Variants in SKOR2 observed in about 807,000 individuals in gnomAD.
SKOR2 encodes the protein LBX1 corepressor 1-like protein.
SKOR2 carries 47 observed loss-of-function variants against 69.1 expected under a neutral mutation model. The observed-to-expected ratio is 0.68, with a 90% CI of 0.54 to 0.87. The LOEUF (loss-of-function observed/expected upper bound fraction) is 0.87. SKOR2 is among the 40% of genes least tolerant of loss of function. SKOR2 has a pLI of 0.00. For synonymous variants in SKOR2, 717 were observed against 672.6 expected (o/e 1.07, Z -1.02); for missense variants, 1,404 against 1,472.2 (o/e 0.95, Z 0.76).
chr18:47,242,999 G>A (rs1955857259), intron 4 of SKOR2, among the ~76,000 whole-genome samples: 2 of 152,030 alleles, frequency 1.3e-5, no homozygotes, highest in South Asian at 4.2e-4. Context: ...GGCTTTACGG[G>A]GGCTTGCTTT....
At position 47,245,016 on chromosome 18, in the gene SKOR2, G is replaced by C. The variant is rs1334403519; in HGVS notation, c.2678-34C>G. The stretch of plus-strand genomic sequence containing the variant: ...AAAACAAAACACAAAATCTGCAAGT[G>C]ATCCAACTGACAAGAGGCACACAAA... On this transcript the variant is annotated intron_variant, in intron 3 of 8. Coordinates refer to ENST00000425639, the MANE Select transcript of SKOR2 (RefSeq NM_001278063.4). The C allele has an allele frequency of 2.0e-6, 3 of 1,515,296 alleles. No individual in the cohort carries two copies. In the Admixed American group the frequency reaches 6.1e-5, roughly 31 times the overall value. The allele number at this position is 1,515,296 out of a possible 1,614,324, so 93.9% of individuals were successfully genotyped here. A position where few individuals can be genotyped will look rare whatever the true frequency, so the allele number is the denominator to read the frequency against.
intron 6 of SKOR2, among the ~76,000 whole-genome samples, chr18:47,225,543 TC>T (rs1311187836): frequency 6.6e-6 from 1 of 152,198 alleles, no homozygotes; most frequent in Non-Finnish European, 1.5e-5. Flanking sequence ...GGGTAGCTCT[TC>T]CCTGAATCTA....
chr18:47,219,798 C>G (rs1363042725), intron 7 of SKOR2, 145 bp downstream of exon 7: 1 of 651,920 alleles, frequency 1.5e-6, no homozygotes, highest in Non-Finnish European at 2.6e-6. Flanking sequence ...CTAAGTAAAT[C>G]TCTTGGTAAT....
In SKOR2 at chr18:47,246,583, G is replaced by T; in HGVS notation, c.2601C>A (p.Pro867=). 1 of 1,518,482 alleles carries T rather than the reference G, an allele frequency of 6.6e-7. No homozygotes were observed. The highest frequency in any genetic ancestry group is 8.8e-7 in the Non-Finnish European group (1 of 1,139,766). 94.1% of individuals were successfully genotyped at this position (1,518,482 alleles called of 1,614,324 possible). ...AGGGGATATTTACATCTTTGTAGGAGGGCTGCTCCTCCAGTGATGGATGGT... is the reference window on the plus strand; with the variant it reads ...AGGGGATATTTACATCTTTGTAGGATGGCTGCTCCTCCAGTGATGGATGGT... ...PVHHPSLEEQ[P]SYKDSQKTKE... Residue 867 remains proline, a synonymous_variant, in exon 2 of 9, where the codon CCC becomes CCA. Coordinates refer to ENST00000425639, the MANE Select transcript of SKOR2 (RefSeq NM_001278063.4).
intron 1 of SKOR2, among the ~76,000 whole-genome samples, chr18:47,251,071 A>G (rs1450568981): frequency 6.8e-6 from 1 of 147,958 alleles, no homozygotes; most frequent in East Asian, 2.1e-4. Context: ...AAGCCCTCCC[A>G]GAAACTGCCG....
At chr18:47,207,703 AG>A (rs778490919) in intron 8 of SKOR2, among the ~76,000 whole-genome samples, 1 of 152,236 alleles carries the variant, frequency 6.6e-6, no homozygotes, top group Non-Finnish European at 1.5e-5. Flanking sequence ...CTATACAAAA[AG>A]GAAGACACAG....
In SKOR2 at chr18:47,248,991, C is replaced by A. The variant is rs1187519002; in HGVS notation, c.193G>T (p.Ala65Ser). 8 of 1,562,026 alleles carry A rather than the reference C, an allele frequency of 5.1e-6. No individual in the cohort carries two copies. The highest frequency in any genetic ancestry group is 1.8e-5 in the Admixed American group (1 of 54,072). Residue 65 changes from alanine (A) to serine (S), a missense_variant, in exon 2 of 9, where the codon GCG becomes TCG. Around this residue, in one of 3 missense-constraint regions of SKOR2, gnomAD observed 104 missense variants for 95.7 expected, o/e 1.09. Coordinates refer to ENST00000425639, the MANE Select transcript of SKOR2 (RefSeq NM_001278063.4). This position sits in a 1 kb window ranked among gnomAD's most constrained non-coding sequence, Gnocchi z 6.4. ...TTGAGCAGAGTGTTGGAGATCTGCG[C>A]CAGGCACAGGCGCTCTTGCCCGTCG... Reference protein sequence around the residue: ...VIDGQERLCLAQISNTLLKNF... With the variant: ...VIDGQERLCLSQISNTLLKNF...
intron 6 of SKOR2, among the ~76,000 whole-genome samples, chr18:47,225,153 G>T (rs574455568): frequency 6.6e-6 from 1 of 152,280 alleles, no homozygotes; most frequent in South Asian, 2.1e-4. Flanking sequence ...GATGTAGTTT[G>T]TTTTTAATAA....
At chr18:47,230,610 A>G (rs1209573621) in intron 5 of SKOR2, 53 bp from the exon 6 acceptor site, 1 of 1,156,734 alleles carries the variant, frequency 8.6e-7, no homozygotes, top group Non-Finnish European at 1.1e-6. Flanking sequence ...AACTCTCCAG[A>G]GAACTGTTAT....
chr18:47,236,781 T>A (rs1174394276), intron 4 of SKOR2, among the ~76,000 whole-genome samples: 1 of 152,182 alleles, frequency 6.6e-6, no homozygotes, highest in Non-Finnish European at 1.5e-5. Context: ...TGGTATTATT[T>A]TTTTTTTATA....
Position 47,248,009 on chromosome 18 carries a change from C to T in SKOR2, c.1175G>A (p.Gly392Glu). 7.0e-7 allele frequency: 1 copy of T among 1,435,328 alleles called. No homozygotes were observed. Among genetic ancestry groups the T allele is most frequent in the Non-Finnish European group, 9.1e-7 (1 of 1,095,822 alleles). The allele number at this position is 1,435,328 out of a possible 1,614,324, so 88.9% of individuals were successfully genotyped here. A position where few individuals can be genotyped will look rare whatever the true frequency, so the allele number is the denominator to read the frequency against. ...VIPVPSKGSFGGVLQKFPGCG... is the reference protein window; with the variant it reads ...VIPVPSKGSFEGVLQKFPGCG... ...GCCCGGGAACTTCTGCAGGACGCCCCCGAACGAGCCCTTGCTGGGCACCGG... is the reference window on the plus strand; with the variant it reads ...GCCCGGGAACTTCTGCAGGACGCCCTCGAACGAGCCCTTGCTGGGCACCGG... Residue 392 changes from glycine to glutamate, a missense_variant, in exon 2 of 9, where the codon GGG becomes GAG. Coordinates refer to ENST00000425639, the MANE Select transcript of SKOR2 (RefSeq NM_001278063.4). The surrounding 1 kb of genome is among the most constrained non-coding windows in gnomAD (Gnocchi z 6.4).
At chr18:47,226,848 T>C (rs902338788) in intron 6 of SKOR2, among the ~76,000 whole-genome samples, 9 of 152,214 alleles carry the variant, frequency 5.9e-5, no homozygotes, top group African/African-American at 1.7e-4. Context: ...AGTATTGTTA[T>C]AGTGTTGAAA....
At chr18:47,219,634 A>C (rs1176477313) in intron 7 of SKOR2, among the ~76,000 whole-genome samples, 1 of 152,218 alleles carries the variant, frequency 6.6e-6, no homozygotes, top group African/African-American at 2.4e-5. Context: ...AGCTCGTAGC[A>C]TAGCCCAGCA....
At position 47,206,179 on chromosome 18, in the gene SKOR2, G is replaced by GT. The variant is rs1156611289; in HGVS notation, c.*716dup. 4 of 152,188 alleles carry GT rather than the reference G, an allele frequency of 2.6e-5. No homozygotes were observed. Among genetic ancestry groups the GT allele is most frequent in the Middle Eastern group, 3.4e-3 (1 of 294 alleles). The allele number at this position is 152,188 out of a possible 1,614,324, so 9.4% of individuals were successfully genotyped here. The stretch of plus-strand genomic sequence containing the variant: ...ACATGAACACAACCATTACTTCATA[G>GT]TTTTTTTATTATAGACTTTTTTATC... On this transcript the variant is annotated 3_prime_UTR_variant, in exon 9 of 9. Coordinates refer to ENST00000425639, the MANE Select transcript of SKOR2 (RefSeq NM_001278063.4).
chr18:47,247,810 G>A lies in SKOR2; in HGVS notation c.1374C>T (p.Gly458=). Residue 458 remains glycine, a synonymous_variant, in exon 2 of 9, where the codon GGC becomes GGT. Transcript: ENST00000425639. This position sits in a 1 kb window ranked among gnomAD's most constrained non-coding sequence, Gnocchi z 6.6. ...AGGGCGGATAGAAGGCGTCCTTGCG[G>A]CCCGCGGGCCAGAAGAGGCCGGACA... ...AGLSGLFWPA[G]RKDAFYPPFC... is the part of the protein sequence containing the mutation. 1.4e-6 allele frequency: 2 copies of A among 1,396,082 alleles called. No individual in the cohort carries two copies. The highest frequency in any genetic ancestry group is 1.8e-6 in the Non-Finnish European group (2 of 1,082,594). 86.5% of individuals were successfully genotyped at this position (1,396,082 alleles called of 1,614,324 possible).
intron 1 of SKOR2, among the ~76,000 whole-genome samples, chr18:47,250,896 C>A (rs1426087085): frequency 1.3e-5 from 2 of 152,100 alleles, no homozygotes; most frequent in African/African-American, 4.8e-5. Context: ...ATTTCCCTAC[C>A]AAACAAGATT....
rs1263463728 is a variant in SKOR2 at position 47,219,995 on chromosome 18, T to C, written c.2933A>G (p.Gln978Arg). Residue 978 changes from glutamine to arginine, a missense_variant, in exon 7 of 9, where the codon CAG becomes CGG. This residue lies in a region of SKOR2 where 1,266 missense variants were observed against 1,309.9 expected (regional missense o/e 0.97). Transcript: ENST00000425639. ...TCGGTAGGCTAGCTCCCTTTTCATC[T>C]GATCCTGAAAATTATCTGGTAGGAG... Reference protein sequence around the residue: ...SFPVFNNFQDQMKRELAYREE... With the variant: ...SFPVFNNFQDRMKRELAYREE... 4 of 1,536,044 alleles carry C rather than the reference T, an allele frequency of 2.6e-6. No individual in the cohort carries two copies. In the South Asian group the frequency reaches 4.8e-5, roughly 18 times the overall value.
At chr18:47,214,511 A>AATC (rs2144478782) in intron 7 of SKOR2, among the ~76,000 whole-genome samples, 1 of 152,302 alleles carries the variant, frequency 6.6e-6, no homozygotes, top group South Asian at 2.1e-4. Flanking sequence ...ATGAGCTGAG[A>AATC]ATCATGTATT....
intron 7 of SKOR2, among the ~76,000 whole-genome samples, chr18:47,215,694 C>T (rs1318383421): frequency 1.3e-5 from 2 of 152,050 alleles, no homozygotes; most frequent in African/African-American, 4.8e-5. Flanking sequence ...GAGACCAATT[C>T]CCCCTAGCTG....
Sources: gnomAD v4.1 joint callset for allele counts (sites outside exome capture counted in the v4.1 genomes callset) on GRCh38, gnomAD v4.1.1 for gene constraint, gnomAD v4.1.1 regional missense constraint, Gnocchi (gnomAD v3.1) non-coding constraint, MANE v1.5 for transcripts, NCBI Gene and HGNC (gene_info 2026-07-23, HGNC 2026-07-21) for gene names.